The following GPR158 variants were observed in gnomAD, a reference collection of about 807,000 sequenced individuals.
The protein encoded by GPR158 is metabotropic glycine receptor.
In GPR158, 30 loss-of-function variants were observed where a neutral mutation model predicts 78.2. That is an observed-to-expected ratio of 0.38 (90% CI 0.29 to 0.52). GPR158 has a LOEUF of 0.52. GPR158 is among the 20% of genes least tolerant of loss of function. GPR158 has a pLI of 0.83. For synonymous variants in GPR158, 581 were observed against 591.1 expected (o/e 0.98, Z 0.25); for missense variants, 1,463 against 1,523.5 (o/e 0.96, Z 0.66).
intron 2 of GPR158, among the ~76,000 whole-genome samples, chr10:25,253,768 TTGA>T (rs915670800): frequency 3.3e-5 from 5 of 152,164 alleles, no homozygotes; most frequent in African/African-American, 1.2e-4. Flanking sequence ...TCATGACTTG[TTGA>T]TGGGATAATT....
At chr10:25,268,708 A>C (rs1854075162) in intron 2 of GPR158, among the ~76,000 whole-genome samples, 1 of 152,180 alleles carries the variant, frequency 6.6e-6, no homozygotes, top group South Asian at 2.1e-4. Flanking sequence ...ATGGAAGTGG[A>C]GTCAGAGATT....
intron 4 of GPR158, among the ~76,000 whole-genome samples, chr10:25,454,072 C>T (rs1238390267): frequency 1.3e-5 from 2 of 151,974 alleles, no homozygotes; most frequent in African/African-American, 4.8e-5. Flanking sequence ...CATGGGATAT[C>T]ACATTAATTT....
chr10:25,576,723 A>G (rs892883805), intron 7 of GPR158, among the ~76,000 whole-genome samples: 2 of 152,170 alleles, frequency 1.3e-5, no homozygotes, highest in African/African-American at 4.8e-5. Context: ...GATCTAGGTC[A>G]TGGCTTCAGG....
At chr10:25,421,372 G>A (rs1336255167) in intron 4 of GPR158, among the ~76,000 whole-genome samples, 2 of 152,096 alleles carry the variant, frequency 1.3e-5, no homozygotes, top group Non-Finnish European at 2.9e-5. Flanking sequence ...TGTGATTTAT[G>A]GGAGGGAAGT....
chr10:25,249,520 A>G (rs1853758450), intron 2 of GPR158, among the ~76,000 whole-genome samples: 2 of 151,698 alleles, frequency 1.3e-5, no homozygotes, highest in Non-Finnish European at 2.9e-5. Flanking sequence ...TTTTAGCATG[A>G]AGGGTTGTTG....
chr10:25,523,140 C>G, intron 5 of GPR158, among the ~76,000 whole-genome samples: 1 of 152,080 alleles, frequency 6.6e-6, no homozygotes, highest in East Asian at 1.9e-4. Flanking sequence ...CCATTTTTCC[C>G]CATGGGATGG....
chr10:25,452,058 G>A (rs1488882432), intron 4 of GPR158, among the ~76,000 whole-genome samples: 1 of 151,708 alleles, frequency 6.6e-6, no homozygotes. Context: ...TGTTTTTTGA[G>A]ACATGACCTT....
At chr10:25,238,143 C>T (rs1207768880) in intron 2 of GPR158, among the ~76,000 whole-genome samples, 2 of 152,018 alleles carry the variant, frequency 1.3e-5, no homozygotes, top group East Asian at 3.9e-4. Flanking sequence ...CTCTCATTTC[C>T]AAAAAGAAGT....
intron 2 of GPR158, among the ~76,000 whole-genome samples, chr10:25,232,841 A>AAATGC (rs1853469040): frequency 6.6e-6 from 1 of 152,144 alleles, no homozygotes; most frequent in African/African-American, 2.4e-5. Context: ...TTGGGTTACT[A>AAATGC]TTGTCTCTAA....
At chr10:25,291,973 T>C (rs1426575400) in intron 2 of GPR158, among the ~76,000 whole-genome samples, 2 of 152,102 alleles carry the variant, frequency 1.3e-5, no homozygotes, top group Non-Finnish European at 2.9e-5. Flanking sequence ...AAACTTACTG[T>C]AGTCACGGGG....
chr10:25,199,978 G>C (rs1277790188), intron 1 of GPR158, among the ~76,000 whole-genome samples: 4 of 152,168 alleles, frequency 2.6e-5, no homozygotes, highest in African/African-American at 9.7e-5. Flanking sequence ...GTGAACATAT[G>C]TATGCATGTG....
chr10:25,421,871 G>A (rs1834756263), intron 4 of GPR158, among the ~76,000 whole-genome samples: 1 of 152,048 alleles, frequency 6.6e-6, no homozygotes. Flanking sequence ...CAATTTCAAA[G>A]GCAAAACAAT....
At chr10:25,238,255 C>T (rs1853554491) in intron 2 of GPR158, among the ~76,000 whole-genome samples, 1 of 152,156 alleles carries the variant, frequency 6.6e-6, no homozygotes, top group African/African-American at 2.4e-5. Flanking sequence ...TCCCACCTCC[C>T]GAAGTAGATG....
At chr10:25,339,827 T>C (rs1855277692) in intron 2 of GPR158, among the ~76,000 whole-genome samples, 1 of 152,130 alleles carries the variant, frequency 6.6e-6, no homozygotes, top group African/African-American at 2.4e-5. Context: ...TTCTTAATGT[T>C]AAACTGACCT....
Position 25,471,426 on chromosome 10 carries a change from G to A in GPR158, c.1404+4707G>A, listed in dbSNP as rs1489976015. ...ATAGTGCCACAATAAATATACGTGT[G>A]CATGTGTCTTTATAGCTGCATGATT... On this transcript the variant is annotated intron_variant, in intron 5 of 10. Transcript: ENST00000376351. Among the ~76,000 whole-genome samples the A allele has an allele frequency of 2.0e-5, 3 of 152,290 alleles. No individual in the cohort carries two copies. The East Asian group carries it at 5.8e-4, about 29-fold the overall frequency.
At chr10:25,461,227 CA>C (rs1835355269) in intron 4 of GPR158, among the ~76,000 whole-genome samples, 2 of 152,172 alleles carry the variant, frequency 1.3e-5, no homozygotes, top group South Asian at 4.1e-4. Context: ...ATAAGAAAGA[CA>C]TAGTGGAGGC....
At chr10:25,591,140 T>C (rs1837334970) in intron 8 of GPR158, among the ~76,000 whole-genome samples, 1 of 152,160 alleles carries the variant, frequency 6.6e-6, no homozygotes, top group African/African-American at 2.4e-5. Flanking sequence ...TTTAGGTGTT[T>C]ATGTGTGTTT....
intron 2 of GPR158, among the ~76,000 whole-genome samples, chr10:25,221,837 A>G (rs1242752837): frequency 6.7e-6 from 1 of 149,698 alleles, no homozygotes; most frequent in Non-Finnish European, 1.5e-5. Flanking sequence ...CAAACTATGG[A>G]ACAAACATAC....
intron 2 of GPR158, among the ~76,000 whole-genome samples, chr10:25,354,355 C>CAA (rs34409947): frequency 1.1e-4 from 12 of 111,416 alleles, no homozygotes; most frequent in South Asian, 3.0e-4. Context: ...AACTCAGTCT[C>CAA]AAAAAAAAAA....
Sources: gnomAD v4.1 joint callset for allele counts (sites outside exome capture counted in the v4.1 genomes callset) on GRCh38, gnomAD v4.1.1 for gene constraint, MANE v1.5 for transcripts, NCBI Gene and HGNC (gene_info 2026-07-23, HGNC 2026-07-21) for gene names.